UEVLD: variants seen among roughly 807,000 people sequenced by gnomAD.
UEVLD encodes UEV and lactate/malate dehyrogenase domains.
UEVLD carries 47 observed loss-of-function variants against 58.6 expected under a neutral mutation model. The ratio of observed to expected loss-of-function variants is 0.80; its 90% CI spans 0.63 to 1.02. The LOEUF (loss-of-function observed/expected upper bound fraction) is 1.02. Among genes scored for constraint, UEVLD ranks in the 50% least tolerant of loss-of-function variants. UEVLD has a pLI of 0.00. For missense variants in UEVLD, 510 were observed against 550.6 expected (o/e 0.93, Z 0.74); for synonymous variants, 197 against 195.3 (o/e 1.01, Z -0.07).
At chr11:18,585,397 T>C (rs972607362) in intron 1 of UEVLD, among the ~76,000 whole-genome samples, 2 of 152,200 alleles carry the variant, frequency 1.3e-5, no homozygotes, top group African/African-American at 4.8e-5. Context: ...CAAGGTACAA[T>C]TTCATTTTTC....
At chr11:18,583,914 G>A (rs1333047598) in intron 1 of UEVLD, among the ~76,000 whole-genome samples, 1 of 152,052 alleles carries the variant, frequency 6.6e-6, no homozygotes, top group African/African-American at 2.4e-5. Flanking sequence ...ACCCACCTCA[G>A]CCTCCCAAAG....
chr11:18,545,022 G>GTA (rs1401581408), intron 8 of UEVLD, among the ~76,000 whole-genome samples: 41 of 145,788 alleles, frequency 2.8e-4, no homozygotes, highest in Non-Finnish European at 9.0e-5. Flanking sequence ...ATATATACGT[G>GTA]TATATATGTG....
At chr11:18,575,499 C>T in intron 2 of UEVLD, 87 bp from the exon 3 acceptor site, 1 of 1,271,772 alleles carries the variant, frequency 7.9e-7, no homozygotes, top group Admixed American at 2.3e-5. Flanking sequence ...CATGTGTGTG[C>T]TCATGAATAT....
chr11:18,582,186 T>G (rs1429637672), intron 1 of UEVLD, among the ~76,000 whole-genome samples: 2 of 152,182 alleles, frequency 1.3e-5, no homozygotes, highest in Non-Finnish European at 2.9e-5. Context: ...ACATGATTAT[T>G]AATAGCTATA....
chr11:18,529,673 G>A lies in UEVLD; in HGVS notation c.*2647C>T, dbSNP rs1311043855. The A allele has an allele frequency of 1.3e-5, 2 of 151,972 alleles. No individual in the cohort carries two copies. The highest frequency in any genetic ancestry group is 2.9e-5 in the Non-Finnish European group (2 of 67,982). 9.4% of individuals were successfully genotyped at this position (151,972 alleles called of 1,614,324 possible). A position where few individuals can be genotyped will look rare whatever the true frequency, so the allele number is the denominator to read the frequency against. Reference sequence around the variant, plus strand: ...ATTTAAGGAAAACAATGTAAAATGGGAAAAAATGTATCTTCTGCTACATCA... The same window carrying A: ...ATTTAAGGAAAACAATGTAAAATGGAAAAAAATGTATCTTCTGCTACATCA... On this transcript the variant is annotated 3_prime_UTR_variant, in exon 12 of 12. Coordinates refer to ENST00000396197, the MANE Select transcript of UEVLD (RefSeq NM_001040697.4).
intron 7 of UEVLD, among the ~76,000 whole-genome samples, chr11:18,553,687 G>A (rs1224644685): frequency 6.6e-6 from 1 of 152,174 alleles, no homozygotes; most frequent in East Asian, 1.9e-4. Context: ...AAAAATGAAT[G>A]ATGCACTGAC....
chr11:18,582,457 G>C (rs942628795), intron 1 of UEVLD, among the ~76,000 whole-genome samples: 1 of 149,358 alleles, frequency 6.7e-6, no homozygotes, highest in Non-Finnish European at 1.5e-5. Context: ...ACCCAGGCTG[G>C]AGTGCAGTGG....
intron 1 of UEVLD, 92 bp downstream of exon 1, chr11:18,588,521 G>A (rs1009718539): frequency 6.7e-6 from 10 of 1,487,384 alleles, no homozygotes; most frequent in Non-Finnish European, 8.2e-6. Context: ...ACTACAAGCC[G>A]GGAAACGCAA....
chr11:18,537,324 A>ATTTT (rs1554974951), intron 9 of UEVLD, among the ~76,000 whole-genome samples: 13 of 131,562 alleles, frequency 9.9e-5, no homozygotes, highest in Non-Finnish European at 1.7e-4. Flanking sequence ...ATATATATAT[A>ATTTT]TTTTTTTTTT....
At chr11:18,542,494 G>A (rs1229410525) in intron 9 of UEVLD, among the ~76,000 whole-genome samples, 1 of 152,034 alleles carries the variant, frequency 6.6e-6, no homozygotes, top group Non-Finnish European at 1.5e-5. Context: ...TCATGCTGTC[G>A]GGTTTTTTAA....
At chr11:18,571,328 A>G (rs888143283) in intron 3 of UEVLD, among the ~76,000 whole-genome samples, 2 of 152,140 alleles carry the variant, frequency 1.3e-5, no homozygotes, top group Non-Finnish European at 2.9e-5. Flanking sequence ...GCCAGGTGAC[A>G]GCGCAAGACT....
Position 18,588,720 on chromosome 11 carries a change from A to T in UEVLD, c.-66T>A. On this transcript the variant is annotated 5_prime_UTR_variant, in exon 1 of 12. Coordinates refer to ENST00000396197, the MANE Select transcript of UEVLD (RefSeq NM_001040697.4). ...CCGGACCTTCTTCCGGACTTGCTGC[A>T]GGACGGAAGCCGCTGAGGACCAAAC... 6.4e-7 allele frequency: 1 copy of T among 1,565,948 alleles called. No individual in the cohort carries two copies. Among genetic ancestry groups the T allele is most frequent in the Non-Finnish European group, 8.6e-7 (1 of 1,160,508 alleles).
At chr11:18,583,514 C>T (rs1194551175) in intron 1 of UEVLD, among the ~76,000 whole-genome samples, 6 of 151,970 alleles carry the variant, frequency 3.9e-5, no homozygotes, top group African/African-American at 1.2e-4. Context: ...CTACCACGCT[C>T]GGCCTAGAAG....
chr11:18,549,282 T>C (rs1392930294), intron 7 of UEVLD, among the ~76,000 whole-genome samples: 1 of 152,218 alleles, frequency 6.6e-6, no homozygotes, highest in African/African-American at 2.4e-5. Context: ...TATGAAATAT[T>C]AGTGGACAGT....
At chr11:18,562,097 T>G (rs1025818887) in intron 6 of UEVLD, among the ~76,000 whole-genome samples, 2 of 152,152 alleles carry the variant, frequency 1.3e-5, no homozygotes, top group Non-Finnish European at 2.9e-5. Flanking sequence ...AACAGAATTT[T>G]TTTTTGAGAC....
chr11:18,554,263 TG>T (rs1333344823), intron 7 of UEVLD, among the ~76,000 whole-genome samples: 3 of 152,096 alleles, frequency 2.0e-5, no homozygotes, highest in Admixed American at 1.3e-4. Context: ...GGCTAATTTT[TG>T]TATTTTTAGT....
intron 7 of UEVLD, among the ~76,000 whole-genome samples, chr11:18,556,266 C>G (rs1173241909): frequency 6.6e-6 from 1 of 152,160 alleles, no homozygotes; most frequent in East Asian, 1.9e-4. Context: ...AACTTCAGTA[C>G]CTGAAAATCA....
chr11:18,575,447 A>G (rs748989715), intron 2 of UEVLD, 35 bp from the exon 3 acceptor site: 15 of 1,577,012 alleles, frequency 9.5e-6, no homozygotes, highest in Non-Finnish European at 1.1e-5. Context: ...AAAATGTGCA[A>G]TCAGAAACAG....
chr11:18,548,431 T>C (rs759323775), intron 7 of UEVLD, among the ~76,000 whole-genome samples: 3 of 152,158 alleles, frequency 2.0e-5, no homozygotes, highest in Non-Finnish European at 2.9e-5. Flanking sequence ...GCCATCTTTC[T>C]TTTTTGTTTT....
Sources: gnomAD v4.1 joint callset for allele counts (sites outside exome capture counted in the v4.1 genomes callset) on GRCh38, gnomAD v4.1.1 for gene constraint, MANE v1.5 for transcripts, NCBI Gene and HGNC (gene_info 2026-07-23, HGNC 2026-07-21) for gene names.